The following ENTREP2 variants were observed in gnomAD, a reference collection of about 807,000 sequenced individuals.
The protein encoded by ENTREP2 is protein ENTREP2.
At chr15:29,310,436 G>A in the ENTREP2 span, among the ~76,000 whole-genome samples, 2 of 152,184 alleles carry the variant, frequency 1.3e-5, no homozygotes, top group African/African-American at 4.8e-5. Context: ...ACATCTCTAG[G>A]GAGGTCCTCA....
At chr15:29,614,340 G>C in the ENTREP2 span, 7,758 of 152,676 alleles carry the variant, frequency 0.051, 236 homozygotes, top group East Asian at 0.15. Context: ...GCCTAAGGCA[G>C]AGCTCCCATC....
the ENTREP2 span, among the ~76,000 whole-genome samples, chr15:29,527,175 C>A: frequency 3.3e-5 from 5 of 152,152 alleles, no homozygotes; most frequent in Non-Finnish European, 7.4e-5. Flanking sequence ...CCAGGCCATG[C>A]CCCCGTTTCT....
chr15:29,188,643 T>A, the ENTREP2 span, among the ~76,000 whole-genome samples: 1 of 152,218 alleles, frequency 6.6e-6, no homozygotes, highest in African/African-American at 2.4e-5. Flanking sequence ...GTATTTGGTG[T>A]TTGACCCCAG....
At chr15:29,608,558 TTA>T in the ENTREP2 span, among the ~76,000 whole-genome samples, 4 of 103,198 alleles carry the variant, frequency 3.9e-5, no homozygotes, top group Non-Finnish European at 8.2e-5. Flanking sequence ...TATTTATTTA[TTA>T]TTATTATTTT....
At chr15:29,341,512 GT>G in the ENTREP2 span, among the ~76,000 whole-genome samples, 1 of 152,218 alleles carries the variant, frequency 6.6e-6, no homozygotes, top group Non-Finnish European at 1.5e-5. Flanking sequence ...GCCCTGACAA[GT>G]GCTAGTGAAT....
At chr15:29,189,432 T>G in the ENTREP2 span, among the ~76,000 whole-genome samples, 1 of 152,064 alleles carries the variant, frequency 6.6e-6, no homozygotes, top group Non-Finnish European at 1.5e-5. Flanking sequence ...TTTTTTTTTT[T>G]TTTAACTTTC....
chr15:29,242,681 G>C, the ENTREP2 span, among the ~76,000 whole-genome samples: 1 of 152,232 alleles, frequency 6.6e-6, no homozygotes, highest in African/African-American at 2.4e-5. Context: ...TGTGGGACAA[G>C]GCGCAGCACA....
At chr15:29,344,602 C>T in the ENTREP2 span, among the ~76,000 whole-genome samples, 1 of 152,142 alleles carries the variant, frequency 6.6e-6, no homozygotes, top group Non-Finnish European at 1.5e-5. Flanking sequence ...GATGACATTT[C>T]TTCAAGTAAG....
At chr15:29,606,239 T>G in the ENTREP2 span, among the ~76,000 whole-genome samples, 1 of 88,120 alleles carries the variant, frequency 1.1e-5, no homozygotes, top group East Asian at 2.6e-4. Context: ...CTTTTCCTTC[T>G]TTTTTTTTTT....
the ENTREP2 span, among the ~76,000 whole-genome samples, chr15:29,291,023 C>T: frequency 6.6e-6 from 1 of 152,194 alleles, no homozygotes; most frequent in African/African-American, 2.4e-5. Context: ...GGTGAATGGA[C>T]ATGTGAGTAG....
chr15:29,395,135 G>A, the ENTREP2 span, among the ~76,000 whole-genome samples: 1 of 151,198 alleles, frequency 6.6e-6, no homozygotes, highest in Non-Finnish European at 1.5e-5. Flanking sequence ...TGATCCGCCC[G>A]CCTCGGCCTC....
the ENTREP2 span, among the ~76,000 whole-genome samples, chr15:29,312,753 C>A: frequency 7.8e-4 from 118 of 152,116 alleles, no homozygotes; most frequent in African/African-American, 2.5e-3. Context: ...TGAGACACAA[C>A]AATATTGAAA....
At chr15:29,369,376 CAGCT>C in the ENTREP2 span, among the ~76,000 whole-genome samples, 1 of 151,910 alleles carries the variant, frequency 6.6e-6, no homozygotes, top group Non-Finnish European at 1.5e-5. Flanking sequence ...ATAAGATTAA[CAGCT>C]AGTTTCTCAT....
the ENTREP2 span, among the ~76,000 whole-genome samples, chr15:29,275,859 A>G: frequency 2.6e-5 from 4 of 152,236 alleles, no homozygotes; most frequent in African/African-American, 4.8e-5. Context: ...GCATGCAGCC[A>G]CCACATATGA....
At chr15:29,653,803 A>G in the ENTREP2 span, among the ~76,000 whole-genome samples, 1 of 151,112 alleles carries the variant, frequency 6.6e-6, no homozygotes, top group Non-Finnish European at 1.5e-5. Context: ...CATGTTTTTT[A>G]TTCTTGTCCT....
chr15:29,349,859 C>T, the ENTREP2 span, among the ~76,000 whole-genome samples: 9 of 152,060 alleles, frequency 5.9e-5, no homozygotes. Context: ...GATAGCACCA[C>T]TCTGCACTCC....
chr15:29,189,468 T>A, the ENTREP2 span, among the ~76,000 whole-genome samples: 22 of 151,580 alleles, frequency 1.5e-4, no homozygotes, highest in Non-Finnish European at 2.8e-4. Flanking sequence ...AGAAAGCACA[T>A]AAACTCAATA....
chr15:29,444,028 T>C, the ENTREP2 span, among the ~76,000 whole-genome samples: 2 of 151,870 alleles, frequency 1.3e-5, no homozygotes, highest in African/African-American at 4.8e-5. Flanking sequence ...GGCGTGAACC[T>C]GGGAGGTGGA....
the ENTREP2 span, among the ~76,000 whole-genome samples, chr15:29,534,106 C>CAAAAAAAAAAAAA: frequency 2.2e-5 from 1 of 44,908 alleles, no homozygotes; most frequent in African/African-American, 8.0e-5. Context: ...GCCCCTTGGC[C>CAAAAAAAAAAAAA]AAAAAAAAAA....
Sources: allele counts gnomAD v4.1 joint callset (sites outside exome capture counted in the v4.1 genomes callset), GRCh38; gene constraint gnomAD v4.1.1; transcripts MANE v1.5; gene names NCBI Gene and HGNC (gene_info 2026-07-23, HGNC 2026-07-21).